AFF4: variants seen among roughly 807,000 people sequenced by gnomAD.
AFF4 encodes the protein AF4/FMR2 family member 4.
AFF4 carries 13 observed loss-of-function variants against 124.8 expected under a neutral mutation model. That is an observed-to-expected ratio of 0.10 (90% CI 0.07 to 0.17). The LOEUF is 0.17. AFF4 is among the 10% of genes least tolerant of loss of function. The pLI is 1.00. For missense variants in AFF4, 1,092 were observed against 1,403.8 expected (o/e 0.78, Z 3.55); for synonymous variants, 477 against 496.1 (o/e 0.96, Z 0.51).
chr5:132,895,221 GGTATA>G (rs554298172), intron 11 of AFF4, among the ~76,000 whole-genome samples: 163 of 152,226 alleles, frequency 1.1e-3, no homozygotes, highest in African/African-American at 3.9e-3. Flanking sequence ...AAACTCATTA[GGTATA>G]GTATAGAGAG....
chr5:132,895,253 T>C lies in AFF4; in HGVS notation c.2307+1070A>G, dbSNP rs1262060707. Among the ~76,000 whole-genome samples the C allele has an allele frequency of 2.6e-5, 4 of 152,350 alleles. No individual in the cohort carries two copies. The East Asian group carries it at 5.8e-4, about 22-fold the overall frequency. ...TATAGAGAGTAGTAAGCTTTGGTTT[T>C]CTAAAAATTTAAATAATGTGGACAA... On this transcript the variant is annotated intron_variant, in intron 11 of 20. Coordinates refer to ENST00000265343, the MANE Select transcript of AFF4 (RefSeq NM_014423.4).
At chr5:132,949,703 C>CGT (rs1761788820) in intron 1 of AFF4, among the ~76,000 whole-genome samples, 1 of 148,580 alleles carries the variant, frequency 6.7e-6, no homozygotes, top group African/African-American at 2.5e-5. Context: ...CACACACACG[C>CGT]GCGCGCGCGC....
intron 5 of AFF4, among the ~76,000 whole-genome samples, chr5:132,919,405 C>A (rs951945564): frequency 2.6e-5 from 4 of 152,022 alleles, no homozygotes; most frequent in Non-Finnish European, 4.4e-5. Context: ...ACTGCAAAGG[C>A]AATTCAATGG....
At chr5:132,916,103 TG>T (rs1760902793) in intron 5 of AFF4, among the ~76,000 whole-genome samples, 2 of 151,666 alleles carry the variant, frequency 1.3e-5, no homozygotes, top group Admixed American at 1.3e-4. Flanking sequence ...CTGGGTGTGG[TG>T]GCGGGCACCT....
Position 132,876,072 on chromosome 5 carries a change from TA to T in AFF4, c.*4986del. 1 of 227,304 alleles carries T rather than the reference TA, an allele frequency of 4.4e-6. No individual in the cohort carries two copies. Among genetic ancestry groups the T allele is most frequent in the Non-Finnish European group, 8.7e-6 (1 of 114,458 alleles). The allele number at this position is 227,304 out of a possible 1,614,324, so 14.1% of individuals were successfully genotyped here. A position where few individuals can be genotyped will look rare whatever the true frequency, so the allele number is the denominator to read the frequency against. On this transcript the variant is annotated 3_prime_UTR_variant, in exon 21 of 21. Coordinates refer to ENST00000265343, the MANE Select transcript of AFF4 (RefSeq NM_014423.4). ...TCCATCCTCCATATACAAAATTTCT[TA>T]AAACCATTCAAAACGGAGGCTAGAT...
intron 1 of AFF4, among the ~76,000 whole-genome samples, chr5:132,961,617 G>A (rs1419670417): frequency 2.0e-5 from 3 of 152,174 alleles, no homozygotes; most frequent in Non-Finnish European, 4.4e-5. Flanking sequence ...CAAGTAGAAA[G>A]TGACTCAGAA....
Position 132,943,887 on chromosome 5 carries a change from G to T in AFF4, c.-4-6694C>A, listed in dbSNP as rs75864007. 2.0e-5 allele frequency: 4 copies of T among 201,140 alleles called. No homozygotes were observed. In the East Asian group the frequency reaches 4.6e-4, roughly 23 times the overall value. The allele number at this position is 201,140 out of a possible 1,614,324, so 12.5% of individuals were successfully genotyped here. ...AGTTTCCTGAGCTGAAGGGAAAGAC[G>T]GATTGCCATTCTGGTAAGGTGAAAG... is the stretch of plus-strand genomic sequence containing the variant. On this transcript the variant is annotated intron_variant, in intron 1 of 20. Coordinates refer to ENST00000265343, the MANE Select transcript of AFF4 (RefSeq NM_014423.4).
Position 132,963,615 on chromosome 5 carries a change from C to T in AFF4, c.-361G>A, listed in dbSNP as rs866904289. 25 of 397,212 alleles carry T rather than the reference C, an allele frequency of 6.3e-5. No homozygotes were observed. In the South Asian group the frequency reaches 8.0e-4, roughly 13 times the overall value. The allele number at this position is 397,212 out of a possible 1,614,324, so 24.6% of individuals were successfully genotyped here. A position where few individuals can be genotyped will look rare whatever the true frequency, so the allele number is the denominator to read the frequency against. On this transcript the variant is annotated 5_prime_UTR_variant, in exon 1 of 21. Coordinates refer to ENST00000265343, the MANE Select transcript of AFF4 (RefSeq NM_014423.4). ...GGCGGCGACGGCAGCTGGACTCCTG[C>T]AGCCAGGGCTGTGACTGACGCAGCG...
intron 1 of AFF4, among the ~76,000 whole-genome samples, chr5:132,959,072 A>G (rs1301365209): frequency 6.6e-6 from 1 of 152,172 alleles, no homozygotes; most frequent in Non-Finnish European, 1.5e-5. Context: ...TAAGAACTCC[A>G]AGAGAGAAAA....
intron 11 of AFF4, among the ~76,000 whole-genome samples, chr5:132,894,005 T>C (rs998364251): frequency 3.9e-5 from 6 of 152,238 alleles, no homozygotes; most frequent in African/African-American, 1.4e-4. Context: ...CATGGATTAG[T>C]ACTGCATTCT....
chr5:132,901,223 A>G, intron 7 of AFF4: 1 of 921,566 alleles, frequency 1.1e-6, no homozygotes, highest in South Asian at 5.0e-5. Flanking sequence ...TGAATATGTC[A>G]AAGCTTTTAC....
chr5:132,935,434 T>C (rs996988651), intron 2 of AFF4, among the ~76,000 whole-genome samples: 2 of 152,196 alleles, frequency 1.3e-5, no homozygotes, highest in Admixed American at 1.3e-4. Context: ...CAGACCAGCC[T>C]GGCCAACATG....
At chr5:132,940,428 G>A (rs910633479) in intron 1 of AFF4, among the ~76,000 whole-genome samples, 3 of 151,958 alleles carry the variant, frequency 2.0e-5, no homozygotes, top group Non-Finnish European at 4.4e-5. Flanking sequence ...GTGAACCCGG[G>A]AGGCGGAGCT....
chr5:132,921,973 CAG>C (rs1187157065), intron 5 of AFF4, among the ~76,000 whole-genome samples: 4 of 151,874 alleles, frequency 2.6e-5, no homozygotes, highest in Admixed American at 6.6e-5. Flanking sequence ...TTTGTGGAGA[CAG>C]AGTCTCATTA....
Position 132,933,753 on chromosome 5 carries a change from A to AC in AFF4, c.918+393dup, listed in dbSNP as rs201618049. On this transcript the variant is annotated intron_variant, in intron 3 of 20. Transcript: ENST00000265343. ...AAAGTCCCATTTATCATAACCATAAACCATCACCTGCATCTCATTCATTAG... is the reference window on the plus strand; with the variant it reads ...AAAGTCCCATTTATCATAACCATAAACCCATCACCTGCATCTCATTCATTAG... 8.1e-3 allele frequency among the ~76,000 whole-genome samples: 1,228 copies of AC among 152,268 alleles called. 58 individuals are homozygous for AC. Among genetic ancestry groups the AC allele is most frequent in the Admixed American group, 0.071 (1,087 of 15,286 alleles).
At chr5:132,888,820 C>G (rs1301805058) in intron 14 of AFF4, among the ~76,000 whole-genome samples, 1 of 152,040 alleles carries the variant, frequency 6.6e-6, no homozygotes, top group African/African-American at 2.4e-5. Context: ...GCCTCAGCCT[C>G]CTGAATAGCT....
At chr5:132,903,202 C>T (rs576362416) in intron 6 of AFF4, among the ~76,000 whole-genome samples, 1 of 152,290 alleles carries the variant, frequency 6.6e-6, no homozygotes, top group South Asian at 2.1e-4. Flanking sequence ...TAGCTATTTT[C>T]TGCATTTTAA....
chr5:132,925,225 T>C (rs2150091859), intron 5 of AFF4, among the ~76,000 whole-genome samples: 1 of 152,098 alleles, frequency 6.6e-6, no homozygotes. Flanking sequence ...GTGCATTTTG[T>C]ATATGTAAAC....
chr5:132,942,857 C>T lies in AFF4; in HGVS notation c.-4-5664G>A, dbSNP rs536079214. The T allele has an allele frequency of 2.4e-4, 43 of 180,342 alleles. No homozygotes were observed. In the South Asian group the frequency reaches 5.0e-3, roughly 21 times the overall value. 11.2% of individuals were successfully genotyped at this position (180,342 alleles called of 1,614,324 possible). ...CTGTAATCCCAGCAGTTTGGGAGGC[C>T]GAGGCATGAGGATCGCTTGAGCTCA... On this transcript the variant is annotated intron_variant, in intron 1 of 20. Coordinates refer to ENST00000265343, the MANE Select transcript of AFF4 (RefSeq NM_014423.4).
Sources: allele counts gnomAD v4.1 joint callset (sites outside exome capture counted in the v4.1 genomes callset), GRCh38; gene constraint gnomAD v4.1.1; transcripts MANE v1.5; gene names NCBI Gene and HGNC (gene_info 2026-07-23, HGNC 2026-07-21).